Variants in TCAIM observed in about 807,000 individuals in gnomAD.
TCAIM encodes the protein T-cell activation inhibitor, mitochondrial.
Under a neutral mutation model 58.6 loss-of-function variants are expected in TCAIM, and 36 were observed. That is an observed-to-expected ratio of 0.61 (90% confidence interval 0.47 to 0.81). TCAIM has a LOEUF of 0.81. Among genes scored for constraint, TCAIM ranks in the 30% least tolerant of loss-of-function variants. TCAIM has a pLI of 0.00. For missense variants in TCAIM, 466 were observed against 579.6 expected, an observed-to-expected ratio of 0.80 and a Z score of 2.01; for synonymous variants, 172 against 193.6, an observed-to-expected ratio of 0.89 and a Z score of 0.93.
chr3:44,393,540 A>T (rs1463524854), intron 6 of TCAIM, among the ~76,000 whole-genome samples: 3 of 152,184 alleles, frequency 2.0e-5, no homozygotes, highest in Non-Finnish European at 4.4e-5. Context: ...TTTTTGGCGT[A>T]ATAAACTTTT....
At chr3:44,381,156 A>G (rs796860346) in intron 5 of TCAIM, among the ~76,000 whole-genome samples, 4 of 152,294 alleles carry the variant, frequency 2.6e-5, no homozygotes, top group African/African-American at 9.6e-5. Flanking sequence ...CAAAGACACT[A>G]CAAGAAAAGA....
chr3:44,350,839 A>G (rs1359631690), intron 1 of TCAIM, among the ~76,000 whole-genome samples: 1 of 152,140 alleles, frequency 6.6e-6, no homozygotes, highest in Non-Finnish European at 1.5e-5. Flanking sequence ...TACAGATTGC[A>G]TATTTTTCTA....
At chr3:44,367,089 C>G (rs1206147056) in intron 4 of TCAIM, among the ~76,000 whole-genome samples, 3 of 152,090 alleles carry the variant, frequency 2.0e-5, no homozygotes, top group Non-Finnish European at 4.4e-5. Flanking sequence ...TGGACACCTG[C>G]TTATAGGAGA....
At chr3:44,399,808 G>T (rs575682522) in intron 8 of TCAIM, among the ~76,000 whole-genome samples, 1 of 152,086 alleles carries the variant, frequency 6.6e-6, no homozygotes, top group Admixed American at 6.6e-5. Context: ...TGCTAAATTC[G>T]GATTTTTGTT....
At position 44,344,005 on chromosome 3, in the gene TCAIM, T is replaced by G. The variant is rs1227639463; in HGVS notation, c.-45+5171T>G. On this transcript the variant is annotated intron_variant, in intron 1 of 10. Transcript: ENST00000342649. ...TTACACAAATTTTATTTTGCTTTGA[T>G]TATTTTTGATGGAAATGCTTTTTTT... Among the ~76,000 whole-genome samples the G allele has an allele frequency of 9.4e-5, 14 of 149,358 alleles. No homozygotes were observed. The Admixed American group carries it at 9.6e-4, about 10-fold the overall frequency.
chr3:44,385,025 A>G (rs935942317), intron 5 of TCAIM, among the ~76,000 whole-genome samples: 3 of 152,224 alleles, frequency 2.0e-5, no homozygotes, highest in African/African-American at 7.2e-5. Context: ...AATGCCTGCT[A>G]TCACCTCTGC....
chr3:44,377,988 A>G (rs1701592814), intron 5 of TCAIM, among the ~76,000 whole-genome samples: 1 of 152,228 alleles, frequency 6.6e-6, no homozygotes, highest in African/African-American at 2.4e-5. Flanking sequence ...AAGAAACGAT[A>G]TATCAACAGA....
chr3:44,388,565 T>C, intron 5 of TCAIM, among the ~76,000 whole-genome samples: 1 of 152,216 alleles, frequency 6.6e-6, no homozygotes, highest in East Asian at 1.9e-4. Flanking sequence ...TCCAGGAAGT[T>C]ATGATTTTTT....
intron 5 of TCAIM, among the ~76,000 whole-genome samples, chr3:44,380,975 G>C (rs1701646379): frequency 6.6e-6 from 1 of 152,130 alleles, no homozygotes; most frequent in Admixed American, 6.5e-5. Context: ...ATGAGACTGA[G>C]TCAGTAATTT....
intron 5 of TCAIM, among the ~76,000 whole-genome samples, chr3:44,384,889 A>G (rs1453775775): frequency 6.6e-6 from 1 of 152,304 alleles, no homozygotes; most frequent in South Asian, 2.1e-4. Flanking sequence ...GTAGCCTGCA[A>G]ATACAGGCAT....
intron 10 of TCAIM, among the ~76,000 whole-genome samples, chr3:44,402,913 C>T (rs1702043085): frequency 6.6e-6 from 1 of 152,066 alleles, no homozygotes; most frequent in South Asian, 2.1e-4. Flanking sequence ...AGTTCTCCCG[C>T]CTTACCGTTC....
At chr3:44,396,952 A>T (rs192739520) in intron 8 of TCAIM, 118 bp downstream of exon 8, 14 of 926,442 alleles carry the variant, frequency 1.5e-5, no homozygotes, top group African/African-American at 1.5e-4. Context: ...TTGTTTTTTA[A>T]TGTTTTTAAT....
chr3:44,395,172 A>G (rs1179545670), intron 6 of TCAIM, among the ~76,000 whole-genome samples: 1 of 151,500 alleles, frequency 6.6e-6, no homozygotes, highest in Non-Finnish European at 1.5e-5. Context: ...AGCATTTACT[A>G]CCTTTGTCAC....
At chr3:44,391,956 T>C (rs1185484927) in intron 5 of TCAIM, among the ~76,000 whole-genome samples, 1 of 152,182 alleles carries the variant, frequency 6.6e-6, no homozygotes, top group East Asian at 1.9e-4. Context: ...TATTATAATA[T>C]TTGCTCACTT....
chr3:44,341,851 A>G (rs910525098), intron 1 of TCAIM, among the ~76,000 whole-genome samples: 9 of 152,202 alleles, frequency 5.9e-5, no homozygotes, highest in African/African-American at 2.2e-4. Context: ...CTGAAAACAC[A>G]TACACAAAGT....
chr3:44,392,909 GC>G lies in TCAIM; in HGVS notation c.629del (p.Pro210HisfsTer6). On this transcript the variant is annotated frameshift_variant, in exon 6 of 11. Coordinates refer to ENST00000342649, the MANE Select transcript of TCAIM (RefSeq NM_173826.4). LOFTEE classifies it high-confidence loss of function. ...SAVKKLKNSLPLRKELDRLKD... is the reference protein window; with the variant it reads ...SAVKKLKNSLXLRKELDRLKD... ...CTGTTAAAAAGCTAAAGAACAGTTT[GC>G]CACTTAGAAAAGAACTAGATCGTTT... is the stretch of plus-strand genomic sequence containing the variant. 1.2e-6 allele frequency: 2 copies of G among 1,613,488 alleles called. No individual in the cohort carries two copies. Among genetic ancestry groups the G allele is most frequent in the Non-Finnish European group, 1.7e-6 (2 of 1,179,662 alleles).
intron 5 of TCAIM, among the ~76,000 whole-genome samples, chr3:44,385,881 T>A (rs1338201402): frequency 6.6e-6 from 1 of 152,204 alleles, no homozygotes; most frequent in Non-Finnish European, 1.5e-5. Context: ...AATGCTTTTG[T>A]TGACTTTATT....
intron 1 of TCAIM, among the ~76,000 whole-genome samples, chr3:44,349,598 G>A: frequency 6.6e-6 from 1 of 152,120 alleles, no homozygotes; most frequent in Non-Finnish European, 1.5e-5. Context: ...ATCAAGGCAG[G>A]TGTCCCCGTG....
In TCAIM at chr3:44,365,948, C is replaced by T. The variant is rs1165864649; in HGVS notation, c.320-1508C>T. Among the ~76,000 whole-genome samples, 12 of 152,230 alleles carry T rather than the reference C, an allele frequency of 7.9e-5. No individual in the cohort carries two copies. The South Asian group carries it at 2.5e-3, about 32-fold the overall frequency. ...AAGTAAAGATGGTAAAGTTGTATGC[C>T]TGCTAACAGGAGAATTTTGCTTTTA... is the stretch of plus-strand genomic sequence containing the variant. On this transcript the variant is annotated intron_variant, in intron 4 of 10. Coordinates refer to ENST00000342649, the MANE Select transcript of TCAIM (RefSeq NM_173826.4).
Sources: gnomAD v4.1 joint callset for allele counts (sites outside exome capture counted in the v4.1 genomes callset) on GRCh38, gnomAD v4.1.1 for gene constraint, MANE v1.5 for transcripts, NCBI Gene and HGNC (gene_info 2026-07-23, HGNC 2026-07-21) for gene names.